RASGRF1: variants seen among roughly 807,000 people sequenced by gnomAD.
RASGRF1 encodes ras-specific guanine nucleotide-releasing factor 1.
RASGRF1 carries 40 observed loss-of-function variants against 138.7 expected under a neutral mutation model. The ratio of observed to expected loss-of-function variants is 0.29; its 90% CI spans 0.22 to 0.38. RASGRF1 has a LOEUF of 0.38. Among genes scored for constraint, RASGRF1 ranks in the 10% least tolerant of loss-of-function variants. The pLI is 1.00. For synonymous variants in RASGRF1, 614 were observed against 663.2 expected (o/e 0.93, Z 1.14); for missense variants, 1,108 against 1,650.4 (o/e 0.67, Z 5.69).
At chr15:78,998,954 A>G (rs2056455283) in intron 17 of RASGRF1, 129 bp from the exon 18 acceptor site, 2 of 686,680 alleles carry the variant, frequency 2.9e-6, no homozygotes, top group Admixed American at 2.1e-5. Flanking sequence ...GCAGGGGGAT[A>G]ACAACATGTT....
rs562237180 is a variant in RASGRF1 at position 79,056,965 on chromosome 15, C to G, written c.531+1369G>C. Among the ~76,000 whole-genome samples the G allele has an allele frequency of 4.6e-5, 7 of 152,284 alleles. No individual in the cohort carries two copies. The South Asian group carries it at 1.2e-3, about 27-fold the overall frequency. ...ATGAGCACACTGCAGGTTCTTGGAG[C>G]CTTGGTTCATGCATGTTCCTACCTC... On this transcript the variant is annotated intron_variant, in intron 3 of 26. Transcript: ENST00000558480.
chr15:79,071,633 G>A (rs1334152109), intron 1 of RASGRF1, among the ~76,000 whole-genome samples: 1 of 151,854 alleles, frequency 6.6e-6, no homozygotes, highest in Non-Finnish European at 1.5e-5. Flanking sequence ...GCCTCCCAAA[G>A]TACTGGGATC....
intron 1 of RASGRF1, among the ~76,000 whole-genome samples, chr15:79,079,457 C>CAA (rs11444328): frequency 0.042 from 5,611 of 132,794 alleles, 139 homozygotes; most frequent in African/African-American, 0.059. Context: ...AGAGACTGGC[C>CAA]AAAAAAAAAA....
At position 79,001,671 on chromosome 15, in the gene RASGRF1, T is replaced by A. The variant is rs752831640; in HGVS notation, c.2566A>T (p.Asn856Tyr). The A allele has an allele frequency of 1.9e-6, 3 of 1,613,144 alleles. No individual in the cohort carries two copies. The highest frequency in any genetic ancestry group is 2.5e-6 in the Non-Finnish European group (3 of 1,179,316). Reference protein sequence around the residue: ...PTTPKSVKNKNSSEFPLFSYN... With the variant: ...PTTPKSVKNKYSSEFPLFSYN... ...AATTGGTGCATTGTACCTGAAGAATTTTTGTTTTTGACTGATTTGGGTGTT... is the reference window on the plus strand; with the variant it reads ...AATTGGTGCATTGTACCTGAAGAATATTTGTTTTTGACTGATTTGGGTGTT... The change falls in exon 16 of 27, where the codon AAT becomes TAT. Residue 856 changes from asparagine to tyrosine, a missense_variant. Coordinates refer to ENST00000558480, the MANE Select transcript of RASGRF1 (RefSeq NM_001145648.3).
At chr15:79,026,780 G>A (rs1418265756) in intron 9 of RASGRF1, among the ~76,000 whole-genome samples, 1 of 152,166 alleles carries the variant, frequency 6.6e-6, no homozygotes, top group Non-Finnish European at 1.5e-5. Context: ...TCCTTCAGAG[G>A]GGGCCTAAAA....
At chr15:78,985,469 C>A in intron 22 of RASGRF1, 1 of 375,744 alleles carries the variant, frequency 2.7e-6, no homozygotes, top group Non-Finnish European at 4.8e-6. Context: ...TCTGTAAATA[C>A]CTAGGAACTT....
intron 1 of RASGRF1, among the ~76,000 whole-genome samples, chr15:79,072,394 G>C (rs1401352692): frequency 7.0e-6 from 1 of 143,340 alleles, no homozygotes; most frequent in Non-Finnish European, 1.5e-5. Flanking sequence ...TCCTGCCTCA[G>C]CCTCCCGAGG....
At chr15:79,019,197 G>A (rs1198385914) in intron 11 of RASGRF1, among the ~76,000 whole-genome samples, 1 of 152,174 alleles carries the variant, frequency 6.6e-6, no homozygotes. Context: ...CCAGTCTGAG[G>A]AGGGAAAAGA....
intron 20 of RASGRF1, among the ~76,000 whole-genome samples, chr15:78,993,552 G>A (rs969643963): frequency 6.6e-6 from 1 of 152,062 alleles, no homozygotes; most frequent in Non-Finnish European, 1.5e-5. Context: ...CTGGGATGCC[G>A]GGTTGTAGTG....
intron 5 of RASGRF1, among the ~76,000 whole-genome samples, chr15:79,044,537 G>C (rs1204276988): frequency 1.3e-5 from 2 of 152,176 alleles, no homozygotes; most frequent in Non-Finnish European, 2.9e-5. Flanking sequence ...CCTTGCCTTT[G>C]GTGGGGCTGC....
chr15:79,006,371 G>A lies in RASGRF1; in HGVS notation c.1890C>T (p.Cys630=). 6.2e-7 allele frequency: 1 copy of A among 1,614,206 alleles called. No individual in the cohort carries two copies. Among genetic ancestry groups the A allele is most frequent in the Non-Finnish European group, 8.5e-7 (1 of 1,180,046 alleles). The change falls in exon 14 of 27, where the codon TGC becomes TGT. Residue 630 remains cysteine (C), a synonymous_variant. Transcript: ENST00000558480. This position sits in a 1 kb window ranked among gnomAD's most constrained non-coding sequence, Gnocchi z 4.0. ...TGGCGTAGCGGATCTGCAGCACTTT[G>A]CAGGAGTTCATGGTTTTGCTGAAGC... ...DIRFSKTMNS[C]KVLQIRYASV...
At chr15:79,014,377 GTTATAT>G (rs2056845571) in intron 13 of RASGRF1, among the ~76,000 whole-genome samples, 1 of 152,178 alleles carries the variant, frequency 6.6e-6, no homozygotes, top group Non-Finnish European at 1.5e-5. Context: ...AAGAAATTGT[GTTATAT>G]TTATATGATG....
intron 1 of RASGRF1, among the ~76,000 whole-genome samples, chr15:79,077,376 G>A (rs181671182): frequency 2.0e-5 from 3 of 152,318 alleles, no homozygotes; most frequent in Non-Finnish European, 4.4e-5. Flanking sequence ...GGACAGCATT[G>A]TGGGAGCTCC....
intron 11 of RASGRF1, among the ~76,000 whole-genome samples, chr15:79,019,465 G>T (rs2056928203): frequency 6.6e-6 from 1 of 152,048 alleles, no homozygotes; most frequent in African/African-American, 2.4e-5. Context: ...GAGTTGTTCA[G>T]CCCCTTCTCA....
At position 79,063,297 on chromosome 15, in the gene RASGRF1, C is replaced by T. The variant is rs141884433; in HGVS notation, c.383+1123G>A. 7.0e-4 allele frequency among the ~76,000 whole-genome samples: 106 copies of T among 152,272 alleles called. No individual in the cohort carries two copies. The East Asian group carries it at 0.01, about 14-fold the overall frequency. On this transcript the variant is annotated intron_variant, in intron 2 of 26. Coordinates refer to ENST00000558480, the MANE Select transcript of RASGRF1 (RefSeq NM_001145648.3). Reference sequence around the variant, plus strand: ...GTCTCTGTAGCTAGAATGGATACCCCTTGAGGAAAGAACTAGAGATGGCCT... The same window carrying T: ...GTCTCTGTAGCTAGAATGGATACCCTTTGAGGAAAGAACTAGAGATGGCCT...
In RASGRF1 at chr15:79,023,708, A is replaced by G. The variant is rs182083709; in HGVS notation, c.1542+1606T>C. ...CTGGTTAGCTGAGCATCAGGGTCTC[A>G]TGCAGGGCCGCAAGGTCCTGAGGCT... On this transcript the variant is annotated intron_variant, in intron 10 of 26. Coordinates refer to ENST00000558480, the MANE Select transcript of RASGRF1 (RefSeq NM_001145648.3). Among the ~76,000 whole-genome samples, 309 of 152,280 alleles carry G rather than the reference A, an allele frequency of 2.0e-3. 1 individual carries two copies. The highest frequency in any genetic ancestry group is 7.1e-3 in the African/African-American group (295 of 41,546).
At chr15:79,077,130 T>A (rs1352130193) in intron 1 of RASGRF1, among the ~76,000 whole-genome samples, 1 of 152,196 alleles carries the variant, frequency 6.6e-6, no homozygotes, top group Non-Finnish European at 1.5e-5. Flanking sequence ...ACCCATGGAA[T>A]CTTGTTTTCA....
intron 5 of RASGRF1, among the ~76,000 whole-genome samples, chr15:79,045,635 C>T (rs536166857): frequency 6.6e-6 from 1 of 152,322 alleles, no homozygotes; most frequent in East Asian, 1.9e-4. Flanking sequence ...TGGTGTCAAC[C>T]TGTCCCACCC....
rs377486142 is a variant in RASGRF1, at chr15:79,049,537, C to T, written c.583G>A (p.Ala195Thr). The T allele has an allele frequency of 2.7e-5, 43 of 1,613,920 alleles. No individual in the cohort carries two copies. The highest frequency in any genetic ancestry group is 1.7e-4 in the Middle Eastern group (1 of 6,040). The change falls in exon 4 of 27, where the codon GCC becomes ACC. Residue 195 changes from alanine to threonine, a missense_variant. This residue lies in a region of RASGRF1 where 253 missense variants were observed against 329.5 expected (regional missense o/e 0.77). Transcript: ENST00000558480. ...ATGTCGCTGTCTTCATCGTTGGGGG[C>T]GACAGTCTGGGTGGACTGGATGCGC... Reference protein sequence around the residue: ...NERIQSTQTVAPNDEDSDIKK... With the variant: ...NERIQSTQTVTPNDEDSDIKK...
Sources: gnomAD v4.1 joint callset for allele counts (sites outside exome capture counted in the v4.1 genomes callset) on GRCh38, gnomAD v4.1.1 for gene constraint, gnomAD v4.1.1 regional missense constraint, Gnocchi (gnomAD v3.1) non-coding constraint, MANE v1.5 for transcripts, NCBI Gene and HGNC (gene_info 2026-07-23, HGNC 2026-07-21) for gene names.